The following CDH4 variants were observed in gnomAD, a reference collection of about 807,000 sequenced individuals.
CDH4 encodes cadherin 4, also known as cadherin-4.
A neutral mutation model predicts 86.0 loss-of-function variants in CDH4; 33 were observed. That is an observed-to-expected ratio of 0.38 (90% CI 0.29 to 0.51). CDH4 has a LOEUF of 0.51. Ranked by LOEUF, CDH4 falls within the 20% of genes least tolerant of loss-of-function variation. The pLI is 0.86. For synonymous variants in CDH4, 555 were observed against 549.4 expected, an observed-to-expected ratio of 1.01 and a Z score of -0.14; for missense variants, 1,114 against 1,307.4, an observed-to-expected ratio of 0.85 and a Z score of 2.28.
At chr20:61,391,330 C>CCTATCTG (rs2084984436) in intron 2 of CDH4, among the ~76,000 whole-genome samples, 1 of 152,142 alleles carries the variant, frequency 6.6e-6, no homozygotes, top group Non-Finnish European at 1.5e-5. Context: ...ACTTGCTAAA[C>CCTATCTG]CTATCTGATC....
chr20:61,487,998 G>A (rs572408001), intron 2 of CDH4, among the ~76,000 whole-genome samples: 2 of 152,316 alleles, frequency 1.3e-5, no homozygotes, highest in East Asian at 1.9e-4. Context: ...CACCCCCAGA[G>A]GCAAATGGAG....
At chr20:61,725,725 G>A (rs2088102235) in intron 2 of CDH4, among the ~76,000 whole-genome samples, 1 of 151,042 alleles carries the variant, frequency 6.6e-6, no homozygotes, top group South Asian at 2.1e-4. Flanking sequence ...CCCATCTGCA[G>A]AGAGACACAA....
chr20:61,296,280 G>C (rs28392801), intron 2 of CDH4, among the ~76,000 whole-genome samples: 7 of 137,064 alleles, frequency 5.1e-5, no homozygotes, highest in Middle Eastern at 3.6e-3. Context: ...TGTGTGCGTG[G>C]GTGCGTGTGT....
intron 2 of CDH4, among the ~76,000 whole-genome samples, chr20:61,291,275 A>G (rs1244243016): frequency 1.3e-5 from 2 of 152,176 alleles, no homozygotes; most frequent in African/African-American, 2.4e-5. Context: ...GGGTCTTTGC[A>G]GTTGTGATTA....
At chr20:61,384,581 T>C (rs943707713) in intron 2 of CDH4, among the ~76,000 whole-genome samples, 7 of 152,172 alleles carry the variant, frequency 4.6e-5, no homozygotes, top group African/African-American at 1.7e-4. Flanking sequence ...CTCTGCGTCT[T>C]CTACCCTTTT....
chr20:61,800,204 G>A (rs1308522905), intron 4 of CDH4, among the ~76,000 whole-genome samples: 2 of 152,196 alleles, frequency 1.3e-5, no homozygotes, highest in African/African-American at 4.8e-5. Flanking sequence ...CTTTGTGAGT[G>A]CTGCAAAGCC....
chr20:61,671,827 T>C (rs545736370), intron 2 of CDH4, among the ~76,000 whole-genome samples: 1 of 145,344 alleles, frequency 6.9e-6, no homozygotes, highest in Admixed American at 6.8e-5. Context: ...GCTGGGTGGA[T>C]TGGATGGATG....
chr20:61,672,948 G>C (rs2087406545), intron 2 of CDH4, among the ~76,000 whole-genome samples: 1 of 152,114 alleles, frequency 6.6e-6, no homozygotes, highest in Non-Finnish European at 1.5e-5. Flanking sequence ...GCCATCACTA[G>C]TGTCCATAGA....
rs185231943 is a variant in CDH4, at chr20:61,741,770, A to G, written c.170-1793A>G. Among the ~76,000 whole-genome samples, 457 of 152,260 alleles carry G rather than the reference A, an allele frequency of 3.0e-3. 5 individuals carry two copies. The highest frequency in any genetic ancestry group is 4.8e-3 in the Non-Finnish European group (327 of 68,016). On this transcript the variant is annotated intron_variant, in intron 2 of 15. Transcript: ENST00000614565. ...CCTCCCAAAGTGCTGTTGGGATTAC[A>G]GGCATGAGCCACCACGCCCAGCCTC...
In CDH4 at chr20:61,340,768, C is replaced by T. The variant is rs150345587; in HGVS notation, c.169+85831C>T. On this transcript the variant is annotated intron_variant, in intron 2 of 15. Transcript: ENST00000614565. ...CTCAACTGATTTTTTATTTTAGAGA[C>T]GAGGTCTCACTTTGTTGCCCAGGCT... Among the ~76,000 whole-genome samples the T allele has an allele frequency of 3.3e-5, 5 of 152,104 alleles. No individual in the cohort carries two copies. In the East Asian group the frequency reaches 5.8e-4, roughly 18 times the overall value.
rs1478421069 is a variant in CDH4, at chr20:61,383,197, AT to A, written c.169+128263del. Among the ~76,000 whole-genome samples the A allele has an allele frequency of 2.4e-5, 2 of 82,276 alleles. 1 individual carries two copies. Among genetic ancestry groups the A allele is most frequent in the Non-Finnish European group, 4.7e-5 (2 of 42,654 alleles). The allele number at this position is 82,276 out of a possible 152,430, so 54.0% of individuals were successfully genotyped here. A position where few individuals can be genotyped will look rare whatever the true frequency, so the allele number is the denominator to read the frequency against. On this transcript the variant is annotated intron_variant, in intron 2 of 15. Coordinates refer to ENST00000614565, the MANE Select transcript of CDH4 (RefSeq NM_001794.5). ...TATATTTATGAATATATATGAATAT[AT>A]TTATATATGAATATATATGAATATA...
At chr20:61,549,299 G>A (rs1383731553) in intron 2 of CDH4, among the ~76,000 whole-genome samples, 1 of 152,098 alleles carries the variant, frequency 6.6e-6, no homozygotes, top group East Asian at 1.9e-4. Flanking sequence ...GGTAAGGAAC[G>A]GGGTACCTCA....
intron 2 of CDH4, among the ~76,000 whole-genome samples, chr20:61,489,063 C>G: frequency 6.6e-6 from 1 of 152,180 alleles, no homozygotes; most frequent in East Asian, 1.9e-4. Flanking sequence ...AACAGGACTT[C>G]CCAGACCTCT....
intron 2 of CDH4, among the ~76,000 whole-genome samples, chr20:61,674,484 C>T (rs1052956840): frequency 4.6e-5 from 7 of 152,064 alleles, no homozygotes; most frequent in East Asian, 3.9e-4. Context: ...CAGGAGAAGC[C>T]GGCTGCTCAA....
intron 2 of CDH4, among the ~76,000 whole-genome samples, chr20:61,657,274 A>G (rs2087202321): frequency 6.6e-6 from 1 of 152,342 alleles, no homozygotes; most frequent in Middle Eastern, 3.4e-3. Flanking sequence ...AACAAGGTTG[A>G]TTCTCCTACA....
intron 2 of CDH4, among the ~76,000 whole-genome samples, chr20:61,739,741 T>C (rs2145937595): frequency 6.6e-6 from 1 of 152,352 alleles, no homozygotes; most frequent in Non-Finnish European, 1.5e-5. Context: ...TGCCCACTGC[T>C]GGCCAGAGCC....
At chr20:61,936,023 G>T (rs2055178773) in intron 15 of CDH4, among the ~76,000 whole-genome samples, 1 of 151,960 alleles carries the variant, frequency 6.6e-6, no homozygotes. Flanking sequence ...GCAGGTGCTG[G>T]CATGGAGGTG....
chr20:61,771,010 CTTTTT>C (rs756131628), intron 3 of CDH4, among the ~76,000 whole-genome samples: 12 of 130,376 alleles, frequency 9.2e-5, no homozygotes, highest in Non-Finnish European at 1.6e-4. Flanking sequence ...TTCTTTTTTT[CTTTTT>C]TTTTTTTTTT....
At chr20:61,368,808 C>G (rs185457925) in intron 2 of CDH4, among the ~76,000 whole-genome samples, 1 of 152,172 alleles carries the variant, frequency 6.6e-6, no homozygotes, top group African/African-American at 2.4e-5. Context: ...TGAGCCACTG[C>G]AGCCGGCTAG....
Sources: allele counts gnomAD v4.1 joint callset (sites outside exome capture counted in the v4.1 genomes callset), GRCh38; gene constraint gnomAD v4.1.1; transcripts MANE v1.5; gene names NCBI Gene and HGNC (gene_info 2026-07-23, HGNC 2026-07-21).